HOXA3: variants seen among roughly 807,000 people sequenced by gnomAD.
HOXA3 encodes the protein homeobox A3, also known as homeobox protein Hox-A3.
HOXA3 carries 8 observed loss-of-function variants against 30.3 expected under a neutral mutation model. The ratio of observed to expected loss-of-function variants is 0.26; its 90% confidence interval spans 0.15 to 0.48. The LOEUF (loss-of-function observed/expected upper bound fraction) is 0.48. Ranked by LOEUF, HOXA3 falls within the 20% of genes least tolerant of loss-of-function variation. The probability of loss-of-function intolerance (pLI) is 0.99; values close to 1 mark genes in which losing one functional copy is unlikely to be tolerated. For missense variants in HOXA3, 653 were observed against 614.4 expected, an observed-to-expected ratio of 1.06 and a Z score of -0.66; for synonymous variants, 323 against 273.1, an observed-to-expected ratio of 1.18 and a Z score of -1.80.
At position 27,110,646 on chromosome 7, in the gene HOXA3, T is replaced by C; in HGVS notation, c.-6A>G. 6.2e-7 allele frequency: 1 copy of C among 1,600,432 alleles called. No individual in the cohort carries two copies. On this transcript the variant is annotated 5_prime_UTR_variant, in exon 5 of 6. Coordinates refer to ENST00000612286, the MANE Select transcript of HOXA3 (RefSeq NM_153631.3). ...TAGTAGGTCGCTTTTTGCATCGCGT[T>C]GTTTCACGATCTTGATCGCACACTC...
chr7:27,130,201 A>G, intron 2 of HOXA3: 1 of 1,563,514 alleles, frequency 6.4e-7, no homozygotes, highest in Non-Finnish European at 8.6e-7. Context: ...GTCGGCCAAG[A>G]GCAGCGGGCA....
chr7:27,125,853 A>G (rs1191770372), intron 3 of HOXA3, among the ~76,000 whole-genome samples: 1 of 152,190 alleles, frequency 6.6e-6, no homozygotes, highest in Non-Finnish European at 1.5e-5. Flanking sequence ...AACAGTGAGG[A>G]GAGCAGAGTT....
chr7:27,130,892 C>T (rs1199043278), intron 2 of HOXA3: 15 of 728,484 alleles, frequency 2.1e-5, no homozygotes, highest in Non-Finnish European at 3.3e-5. Context: ...CTCCCGCAGA[C>T]GCCGCCACCA....
At chr7:27,120,434 G>A (rs763983045) in intron 4 of HOXA3, among the ~76,000 whole-genome samples, 11 of 151,502 alleles carry the variant, frequency 7.3e-5, no homozygotes, top group Non-Finnish European at 8.8e-5. Context: ...CCAGCTAGTC[G>A]GGAGGCTGAG....
chr7:27,142,996 G>A (rs771361387), intron 1 of HOXA3: 18 of 1,450,510 alleles, frequency 1.2e-5, no homozygotes, highest in Middle Eastern at 2.5e-4. Context: ...AGGGGGGACC[G>A]AGAGCCGCGT....
intron 2 of HOXA3, chr7:27,130,673 C>G: frequency 6.2e-7 from 1 of 1,607,820 alleles, no homozygotes; most frequent in Non-Finnish European, 8.5e-7. Flanking sequence ...GCGTACTCCT[C>G]GAAGGGAGGG....
At chr7:27,125,055 C>G in intron 3 of HOXA3, among the ~76,000 whole-genome samples, 1 of 152,170 alleles carries the variant, frequency 6.6e-6, no homozygotes, top group Non-Finnish European at 1.5e-5. Flanking sequence ...GAGGCAAGAA[C>G]CCATCCTTCT....
At chr7:27,118,568 A>G (rs546315487) in intron 4 of HOXA3, among the ~76,000 whole-genome samples, 73 of 152,306 alleles carry the variant, frequency 4.8e-4, no homozygotes, top group African/African-American at 1.7e-3. Flanking sequence ...GCTTGGAGCC[A>G]TCCTCCCATG....
intron 2 of HOXA3, chr7:27,130,915 C>T (rs2128055203): frequency 1.5e-6 from 1 of 655,820 alleles, no homozygotes; most frequent in Non-Finnish European, 2.7e-6. Flanking sequence ...GTTCGAGCCG[C>T]TCCTCCCCAG....
At chr7:27,130,116 A>G in intron 2 of HOXA3, 1 of 1,597,116 alleles carries the variant, frequency 6.3e-7, no homozygotes, top group Non-Finnish European at 8.5e-7. Context: ...GGCGCCACGT[A>G]CCGGCGCTGA....
chr7:27,142,841 C>T, intron 1 of HOXA3: 2 of 533,350 alleles, frequency 3.7e-6, no homozygotes, highest in East Asian at 3.3e-5. Flanking sequence ...AGAGAACGCC[C>T]ATTTCCCCCA....
At chr7:27,130,155 C>T (rs1372831545) in intron 2 of HOXA3, 1 of 1,602,980 alleles carries the variant, frequency 6.2e-7, no homozygotes, top group South Asian at 1.1e-5. Context: ...AGGGGTACAC[C>T]ACGGGCTCCT....
At position 27,110,713 on chromosome 7, in the gene HOXA3, C is replaced by T. The variant is rs1464257954; in HGVS notation, c.-73G>A. On this transcript the variant is annotated 5_prime_UTR_variant, in exon 5 of 6. Coordinates refer to ENST00000612286, the MANE Select transcript of HOXA3 (RefSeq NM_153631.3). ...CCCGTGAGGGCGCACATTGGCACGCCCCCGCGGTCACGTGACACTCCGCCG... is the reference window on the plus strand; with the variant it reads ...CCCGTGAGGGCGCACATTGGCACGCTCCCGCGGTCACGTGACACTCCGCCG... 2.5e-6 allele frequency: 4 copies of T among 1,577,162 alleles called. No homozygotes were observed. In the African/African-American group the frequency reaches 5.4e-5, roughly 21 times the overall value.
At chr7:27,120,668 A>G (rs1583385749) in intron 4 of HOXA3, among the ~76,000 whole-genome samples, 1 of 152,142 alleles carries the variant, frequency 6.6e-6, no homozygotes, top group Non-Finnish European at 1.5e-5. Flanking sequence ...GGCTGCTAAC[A>G]TCCAGTTAAT....
intron 1 of HOXA3, chr7:27,143,096 G>C: frequency 6.4e-7 from 1 of 1,563,554 alleles, no homozygotes; most frequent in Non-Finnish European, 8.6e-7. Context: ...GGGTTGGGCG[G>C]GCGGCGCCGG....
intron 1 of HOXA3, chr7:27,142,835 A>T: frequency 1.9e-6 from 1 of 522,350 alleles, no homozygotes; most frequent in South Asian, 3.2e-5. Context: ...TGTCCCAGAG[A>T]ACGCCCATTT....
At chr7:27,124,776 A>G (rs890920882) in intron 3 of HOXA3, among the ~76,000 whole-genome samples, 7 of 152,158 alleles carry the variant, frequency 4.6e-5, no homozygotes, top group African/African-American at 1.7e-4. Context: ...AGCTGCAACC[A>G]GGGTCCTTTT....
In HOXA3 at chr7:27,110,644, G is replaced by T. The variant is rs749494385; in HGVS notation, c.-4C>A. On this transcript the variant is annotated 5_prime_UTR_variant, in exon 5 of 6. Coordinates refer to ENST00000612286, the MANE Select transcript of HOXA3 (RefSeq NM_153631.3). The stretch of plus-strand genomic sequence containing the variant: ...CGTAGTAGGTCGCTTTTTGCATCGC[G>T]TTGTTTCACGATCTTGATCGCACAC... 1 of 1,600,572 alleles carries T rather than the reference G, an allele frequency of 6.2e-7. No individual in the cohort carries two copies. The highest frequency in any genetic ancestry group is 1.1e-5 in the South Asian group (1 of 90,882).
At chr7:27,117,925 G>A (rs895276343) in intron 4 of HOXA3, among the ~76,000 whole-genome samples, 2 of 152,128 alleles carry the variant, frequency 1.3e-5, no homozygotes, top group Non-Finnish European at 2.9e-5. Context: ...GCCCACCTAG[G>A]AGCCCCCCTA....
Sources: allele counts gnomAD v4.1 joint callset (sites outside exome capture counted in the v4.1 genomes callset), GRCh38; gene constraint gnomAD v4.1.1; transcripts MANE v1.5; gene names NCBI Gene and HGNC (gene_info 2026-07-23, HGNC 2026-07-21).